Variants in RGS8 observed in about 807,000 individuals in gnomAD.
The protein encoded by RGS8 is regulator of G protein signaling 8.
Under a neutral mutation model 21.7 loss-of-function variants are expected in RGS8, and 8 were observed. The observed-to-expected ratio is 0.37, with a 90% CI of 0.22 to 0.66. The LOEUF is 0.66. RGS8 is among the 30% of genes least tolerant of loss of function. The pLI is 0.59. For missense variants in RGS8, 157 were observed against 217.9 expected (o/e 0.72, Z 1.76); for synonymous variants, 80 against 83.6 (o/e 0.96, Z 0.24).
At chr1:182,665,324 C>T (rs12404562) in intron 5 of RGS8, among the ~76,000 whole-genome samples, 1,732 of 152,232 alleles carry the variant, frequency 0.011, 28 homozygotes, top group Admixed American at 0.034. Flanking sequence ...TATCAAATTG[C>T]CCTCTCCACA....
chr1:182,690,210 A>G, the RGS8 span, among the ~76,000 whole-genome samples: 1 of 152,220 alleles, frequency 6.6e-6, no homozygotes, highest in East Asian at 1.9e-4. Flanking sequence ...TTAACAACTA[A>G]TGGATAGCCC....
the RGS8 span, among the ~76,000 whole-genome samples, chr1:182,712,590 C>G: frequency 6.6e-6 from 1 of 152,154 alleles, no homozygotes; most frequent in Non-Finnish European, 1.5e-5. Context: ...TCAAAATACC[C>G]ACACTTTATT....
chr1:182,671,969 A>G, upstream of RGS8: 4 of 1,333,964 alleles, frequency 3.0e-6, no homozygotes, highest in Non-Finnish European at 3.9e-6. Context: ...TCCCGGGCAC[A>G]GTCTGCACGC....
the RGS8 span, chr1:182,712,833 A>C: frequency 6.6e-6 from 1 of 152,344 alleles, no homozygotes; most frequent in East Asian, 1.9e-4. Context: ...TCAGGTAGGA[A>C]AAGGACAGTC....
the RGS8 span, among the ~76,000 whole-genome samples, chr1:182,717,676 C>CT: frequency 6.6e-5 from 10 of 152,148 alleles, no homozygotes; most frequent in Non-Finnish European, 1.2e-4. Context: ...ATTGTGTTTT[C>CT]TTCAGGGAAA....
upstream of RGS8, among the ~76,000 whole-genome samples, chr1:182,685,551 G>A (rs1330441752): frequency 6.6e-6 from 1 of 152,182 alleles, no homozygotes; most frequent in Non-Finnish European, 1.5e-5. Flanking sequence ...TGCAGCTGGG[G>A]AACTCTCCAC....
the RGS8 span, among the ~76,000 whole-genome samples, chr1:182,732,342 C>G: frequency 1.3e-5 from 2 of 151,634 alleles, no homozygotes; most frequent in Non-Finnish European, 2.9e-5. Flanking sequence ...TGCTCTGAAT[C>G]CTTTTCTAGG....
At chr1:182,750,236 G>A in the RGS8 span, among the ~76,000 whole-genome samples, 2 of 152,182 alleles carry the variant, frequency 1.3e-5, no homozygotes, top group Non-Finnish European at 2.9e-5. Flanking sequence ...ACTGGTCAGT[G>A]AAAATGGCCT....
chr1:182,741,095 C>T, the RGS8 span, among the ~76,000 whole-genome samples: 2 of 151,506 alleles, frequency 1.3e-5, no homozygotes, highest in East Asian at 4.0e-4. Flanking sequence ...GGGTGGTGGC[C>T]GGGCAGAGGG....
chr1:182,659,230 T>C (rs11590211), intron 5 of RGS8, among the ~76,000 whole-genome samples: 320 of 152,318 alleles, frequency 2.1e-3, no homozygotes, highest in Non-Finnish European at 3.6e-3. Flanking sequence ...TGTTCTTTCC[T>C]ATTTTATCAA....
chr1:182,664,752 C>T (rs954532008), intron 5 of RGS8, among the ~76,000 whole-genome samples: 2 of 152,136 alleles, frequency 1.3e-5, no homozygotes, highest in African/African-American at 2.4e-5. Context: ...AAGTGCAATC[C>T]ACAGAATACT....
Position 182,648,139 on chromosome 1 carries a change from C to A in RGS8, c.358G>T (p.Glu120Ter). 6.2e-7 allele frequency: 1 copy of A among 1,605,874 alleles called. No individual in the cohort carries two copies. Among genetic ancestry groups the A allele is most frequent in the Non-Finnish European group, 8.5e-7 (1 of 1,174,650 alleles). Reference sequence around the variant, plus strand: ...GATGGTCGCCGCTGCCAACACACCTCCCGTGGAGCCTGCACATCCACAAAC... The same window carrying A: ...GATGGTCGCCGCTGCCAACACACCTACCGTGGAGCCTGCACATCCACAAAC... Residue 120 changes from glutamate to a stop codon, truncating the protein, a stop_gained and splice_region_variant, in exon 6 of 7, where the codon GAG (glutamate) becomes TAG (stop). Coordinates refer to ENST00000483095, the Ensembl canonical transcript of RGS8. LOFTEE classifies it high-confidence loss of function.
intron 5 of RGS8, among the ~76,000 whole-genome samples, chr1:182,660,665 A>T (rs1663541197): frequency 6.7e-6 from 1 of 149,542 alleles, no homozygotes; most frequent in Admixed American, 6.7e-5. Flanking sequence ...TACGAGATAC[A>T]GTCTTTAGTA....
At chr1:182,699,361 A>G in the RGS8 span, among the ~76,000 whole-genome samples, 1 of 152,198 alleles carries the variant, frequency 6.6e-6, no homozygotes, top group Non-Finnish European at 1.5e-5. Flanking sequence ...TGGAGTGTAG[A>G]GAGGAGGAGG....
At chr1:182,742,905 G>A in the RGS8 span, among the ~76,000 whole-genome samples, 1 of 152,328 alleles carries the variant, frequency 6.6e-6, no homozygotes, top group African/African-American at 2.4e-5. Flanking sequence ...ACAATCAGGG[G>A]ACACAATTAA....
At chr1:182,727,616 T>C in the RGS8 span, among the ~76,000 whole-genome samples, 2 of 152,186 alleles carry the variant, frequency 1.3e-5, no homozygotes, top group African/African-American at 4.8e-5. Flanking sequence ...CTTAATATTG[T>C]GCATTTTCGA....
At chr1:182,675,913 T>C (rs753439647), upstream of RGS8, among the ~76,000 whole-genome samples, 14 of 152,276 alleles carry the variant, frequency 9.2e-5, no homozygotes, top group Non-Finnish European at 1.8e-4. Context: ...TAATTCTCAT[T>C]AACTCACAGA....
the RGS8 span, among the ~76,000 whole-genome samples, chr1:182,695,409 T>A: frequency 6.6e-6 from 1 of 152,198 alleles, no homozygotes; most frequent in East Asian, 1.9e-4. Flanking sequence ...CACTCAGAGC[T>A]ATTGGAGCTC....
rs562214063 is a variant in RGS8, at chr1:182,663,597, C to G, written c.193+2372G>C. ...AGGCTGGAATATAGTGGTGTGATCACAGATCACTGCAGCCTCAACCTCCTG... is the reference window on the plus strand; with the variant it reads ...AGGCTGGAATATAGTGGTGTGATCAGAGATCACTGCAGCCTCAACCTCCTG... On this transcript the variant is annotated intron_variant, in intron 5 of 6. Coordinates refer to ENST00000483095, the Ensembl canonical transcript of RGS8. 1.7e-3 allele frequency among the ~76,000 whole-genome samples: 257 copies of G among 149,036 alleles called. 1 individual carries two copies. The highest frequency in any genetic ancestry group is 2.7e-3 in the Non-Finnish European group (181 of 68,010).
Sources: gnomAD v4.1 joint callset for allele counts (sites outside exome capture counted in the v4.1 genomes callset) on GRCh38, gnomAD v4.1.1 for gene constraint, MANE v1.5 for transcripts, NCBI Gene and HGNC (gene_info 2026-07-23, HGNC 2026-07-21) for gene names.